Variants in YARS1 observed in about 807,000 individuals in gnomAD.
YARS1 encodes the protein tyrosine--tRNA ligase, cytoplasmic.
Under a neutral mutation model 62.2 loss-of-function variants are expected in YARS1, and 36 were observed. The ratio of observed to expected loss-of-function variants is 0.58; its 90% CI spans 0.44 to 0.76. YARS1 has a LOEUF of 0.76. Among genes scored for constraint, YARS1 ranks in the 30% least tolerant of loss-of-function variants. The pLI, the probability that YARS1 is intolerant of heterozygous loss-of-function variation, is 0.00. For missense variants in YARS1, 524 were observed against 639.8 expected (o/e 0.82, Z 1.95); for synonymous variants, 234 against 244.9 (o/e 0.96, Z 0.42).
intron 6 of YARS1, among the ~76,000 whole-genome samples, chr1:32,790,305 G>A (rs1275253108): frequency 2.0e-5 from 3 of 147,838 alleles, no homozygotes; most frequent in Non-Finnish European, 3.0e-5. Flanking sequence ...TCAGGAGATC[G>A]AGACCATCCT....
intron 4 of YARS1, among the ~76,000 whole-genome samples, chr1:32,802,978 A>ACTTTT (rs1374994869): frequency 3.4e-5 from 3 of 89,412 alleles, no homozygotes; most frequent in Non-Finnish European, 4.5e-5. Context: ...ACGCCTGGCT[A>ACTTTT]TTTTTTTTTT....
chr1:32,809,776 C>T (rs1224553975), intron 3 of YARS1, among the ~76,000 whole-genome samples: 2 of 152,046 alleles, frequency 1.3e-5, no homozygotes, highest in Non-Finnish European at 2.9e-5. Flanking sequence ...ACTAATAGAG[C>T]GCTATGTACT....
Position 32,785,266 on chromosome 1 carries a change from C to T in YARS1, c.906+1096G>A, listed in dbSNP as rs534472903. 3.9e-5 allele frequency among the ~76,000 whole-genome samples: 6 copies of T among 152,218 alleles called. No homozygotes were observed. The South Asian group carries it at 1.2e-3, about 32-fold the overall frequency. On this transcript the variant is annotated intron_variant, in intron 8 of 12. Transcript: ENST00000373477. The stretch of plus-strand genomic sequence containing the variant: ...CCTGAGGTCAGGAGTTCAAGACCAG[C>T]CTGGCCAACATGGTGAAACCCCGTC...
chr1:32,797,313 G>T (rs904638268), intron 5 of YARS1, among the ~76,000 whole-genome samples: 1 of 151,748 alleles, frequency 6.6e-6, no homozygotes. Context: ...TCGAGGCTGT[G>T]ATGAGCCATG....
At chr1:32,786,575 G>C (rs564583686) in intron 7 of YARS1, 128 bp from the exon 8 acceptor site, 3 of 946,846 alleles carry the variant, frequency 3.2e-6, no homozygotes, top group Non-Finnish European at 5.0e-6. Context: ...TTATTGTATG[G>C]TATTATTCTT....
chr1:32,807,543 A>G (rs1259636099), intron 3 of YARS1, among the ~76,000 whole-genome samples: 1 of 151,858 alleles, frequency 6.6e-6, no homozygotes, highest in East Asian at 1.9e-4. Flanking sequence ...TGCAGCCTCA[A>G]TCTCCCTGGG....
At chr1:32,779,922 A>T in intron 11 of YARS1, 163 bp downstream of exon 11, 1 of 792,878 alleles carries the variant, frequency 1.3e-6, no homozygotes, top group Non-Finnish European at 2.1e-6. Context: ...CATTAACAGT[A>T]CTTGTACGAT....
chr1:32,810,494 G>A (rs1470595808), intron 3 of YARS1, 97 bp downstream of exon 3: 4 of 1,504,048 alleles, frequency 2.7e-6, no homozygotes, highest in Non-Finnish European at 2.8e-6. Flanking sequence ...ACGCCAGACA[G>A]CTTCTAATCT....
At chr1:32,812,324 T>C (rs1228480205) in intron 1 of YARS1, among the ~76,000 whole-genome samples, 1 of 152,090 alleles carries the variant, frequency 6.6e-6, no homozygotes, top group East Asian at 1.9e-4. Flanking sequence ...TCCTCTGGAG[T>C]TTAGACACAA....
chr1:32,784,341 T>TA (rs1653153844), intron 8 of YARS1, among the ~76,000 whole-genome samples: 1 of 152,080 alleles, frequency 6.6e-6, no homozygotes, highest in African/African-American at 2.4e-5. Context: ...GCAGCTCCAT[T>TA]AAATTGGTTG....
In YARS1 at chr1:32,804,517, G is replaced by A. The variant is rs571179363; in HGVS notation, c.510+1965C>T. 2.0e-5 allele frequency among the ~76,000 whole-genome samples: 3 copies of A among 151,682 alleles called. No homozygotes were observed. The East Asian group carries it at 5.9e-4, about 30-fold the overall frequency. ...CGGAGGGGCTCCTCACTTCTCAGAC[G>A]GGGCGGCTGGGCAAAGACGCTCCTC... On this transcript the variant is annotated intron_variant, in intron 4 of 12. Coordinates refer to ENST00000373477, the MANE Select transcript of YARS1 (RefSeq NM_003680.4).
chr1:32,789,466 T>TTCA (rs1256357455), intron 6 of YARS1, among the ~76,000 whole-genome samples: 1 of 152,134 alleles, frequency 6.6e-6, no homozygotes, highest in Non-Finnish European at 1.5e-5. Flanking sequence ...AAAGAGTGAG[T>TTCA]TCATGGTCAT....
chr1:32,797,509 A>T (rs577756792), intron 5 of YARS1: 1 of 555,364 alleles, frequency 1.8e-6, no homozygotes, highest in East Asian at 3.1e-5. Context: ...CAGGTGCGGG[A>T]GCAGCTTCCT....
At chr1:32,804,242 C>T (rs1319686550) in intron 4 of YARS1, among the ~76,000 whole-genome samples, 2 of 152,188 alleles carry the variant, frequency 1.3e-5, no homozygotes, top group Admixed American at 6.5e-5. Context: ...CCGTTCTCAA[C>T]GAGCTGTTGG....
chr1:32,777,903 A>G (rs1330008644), intron 12 of YARS1, among the ~76,000 whole-genome samples: 1 of 152,202 alleles, frequency 6.6e-6, no homozygotes, highest in African/African-American at 2.4e-5. Context: ...ACATTCTTTA[A>G]TATCTCTATG....
At chr1:32,816,885 C>G (rs1638755608) in intron 1 of YARS1, 1 of 556,808 alleles carries the variant, frequency 1.8e-6, no homozygotes, top group Non-Finnish European at 3.2e-6. Context: ...TGACGTATCC[C>G]CAGCGACTAA....
intron 6 of YARS1, among the ~76,000 whole-genome samples, chr1:32,787,633 C>T (rs1455856595): frequency 6.6e-6 from 1 of 151,972 alleles, no homozygotes; most frequent in African/African-American, 2.4e-5. Flanking sequence ...CCTCAGCCTC[C>T]CGAATAGCTG....
At chr1:32,793,390 C>A (rs768148139) in intron 5 of YARS1, among the ~76,000 whole-genome samples, 54 of 152,156 alleles carry the variant, frequency 3.5e-4, no homozygotes, top group Non-Finnish European at 6.2e-4. Flanking sequence ...CACCTGTAAT[C>A]CTAGCAATTT....
At chr1:32,811,876 A>T (rs1638594324) in intron 1 of YARS1, among the ~76,000 whole-genome samples, 1 of 152,110 alleles carries the variant, frequency 6.6e-6, no homozygotes, top group Admixed American at 6.5e-5. Flanking sequence ...CGTAAACCAA[A>T]ACTAAACTTT....
Sources: allele counts gnomAD v4.1 joint callset (sites outside exome capture counted in the v4.1 genomes callset), GRCh38; gene constraint gnomAD v4.1.1; transcripts MANE v1.5; gene names NCBI Gene and HGNC (gene_info 2026-07-23, HGNC 2026-07-21).